PDE1C: variants seen among roughly 807,000 people sequenced by gnomAD.
PDE1C encodes the protein dual specificity calcium/calmodulin-dependent 3',5'-cyclic nucleotide phosphodiesterase 1C.
A neutral mutation model predicts 93.1 loss-of-function variants in PDE1C; 62 were observed. The observed-to-expected ratio is 0.67, with a 90% CI of 0.54 to 0.82. The LOEUF is 0.82. Among genes scored for constraint, PDE1C ranks in the 40% least tolerant of loss-of-function variants. The probability of loss-of-function intolerance (pLI) is 0.00; values close to 1 mark genes in which losing one functional copy is unlikely to be tolerated. For synonymous variants in PDE1C, 325 were observed against 310.1 expected (o/e 1.05, Z -0.50); for missense variants, 742 against 884.6 (o/e 0.84, Z 2.04).
chr7:31,959,236 A>T (rs556962747), intron 2 of PDE1C, among the ~76,000 whole-genome samples: 2 of 152,178 alleles, frequency 1.3e-5, no homozygotes, highest in African/African-American at 4.8e-5. Context: ...TTTGAGACAC[A>T]GTCTCACTCT....
At chr7:32,209,148 A>C (rs28739377) in intron 2 of PDE1C, among the ~76,000 whole-genome samples, 8,709 of 152,272 alleles carry the variant, frequency 0.057, 874 homozygotes, top group African/African-American at 0.2. Context: ...TTAAAATACA[A>C]ATTCTGACTC....
At chr7:32,286,640 G>A (rs566037798) in intron 1 of PDE1C, among the ~76,000 whole-genome samples, 1 of 152,262 alleles carries the variant, frequency 6.6e-6, no homozygotes, top group East Asian at 1.9e-4. Context: ...ACAAAAGAGA[G>A]CCTAGGCACT....
chr7:32,322,358 T>C (rs1783311161), intron 1 of PDE1C, among the ~76,000 whole-genome samples: 1 of 152,034 alleles, frequency 6.6e-6, no homozygotes, highest in South Asian at 2.1e-4. Context: ...AACCAGCACT[T>C]TGGGAGGCCG....
intron 1 of PDE1C, among the ~76,000 whole-genome samples, chr7:32,288,006 C>G (rs950831624): frequency 5.9e-5 from 9 of 152,102 alleles, no homozygotes; most frequent in African/African-American, 1.7e-4. Flanking sequence ...GGTTCGAGAC[C>G]AGCCTGGCTA....
intron 2 of PDE1C, among the ~76,000 whole-genome samples, chr7:31,914,841 G>A (rs2128946108): frequency 6.6e-6 from 1 of 152,298 alleles, no homozygotes; most frequent in South Asian, 2.1e-4. Context: ...GTTTAATTAT[G>A]AAGGGCATCA....
chr7:32,361,144 T>G (rs1784130025), intron 1 of PDE1C, among the ~76,000 whole-genome samples: 1 of 152,134 alleles, frequency 6.6e-6, no homozygotes. Flanking sequence ...CTCATAGCTT[T>G]GTACAGTTGG....
intron 2 of PDE1C, among the ~76,000 whole-genome samples, chr7:32,023,753 T>C (rs1004324289): frequency 1.3e-5 from 2 of 151,986 alleles, no homozygotes; most frequent in Non-Finnish European, 2.9e-5. Context: ...TGTCAAGGCT[T>C]AGGGATGGAG....
chr7:31,948,192 T>C (rs1417919942), intron 2 of PDE1C, among the ~76,000 whole-genome samples: 1 of 152,186 alleles, frequency 6.6e-6, no homozygotes, highest in Non-Finnish European at 1.5e-5. Flanking sequence ...ATTATAAAAA[T>C]GCATTCCAAT....
chr7:32,323,953 C>T (rs1471044960), intron 1 of PDE1C, among the ~76,000 whole-genome samples: 1 of 152,156 alleles, frequency 6.6e-6, no homozygotes, highest in South Asian at 2.1e-4. Flanking sequence ...AGGCTGTGAG[C>T]TTCCTTCAAG....
chr7:31,714,429 T>G, the PDE1C span, among the ~76,000 whole-genome samples: 1 of 152,208 alleles, frequency 6.6e-6, no homozygotes, highest in Non-Finnish European at 1.5e-5. Context: ...TCCCACATTT[T>G]CCTGTCTTCT....
chr7:31,853,903 T>C (rs1793671624), intron 7 of PDE1C, among the ~76,000 whole-genome samples: 1 of 150,716 alleles, frequency 6.6e-6, no homozygotes, highest in Non-Finnish European at 1.5e-5. Context: ...TTTTTGTATT[T>C]TTAGTAGAGA....
chr7:31,812,837 G>T (rs1787718334), intron 15 of PDE1C, among the ~76,000 whole-genome samples: 1 of 152,048 alleles, frequency 6.6e-6, no homozygotes, highest in Non-Finnish European at 1.5e-5. Context: ...TCTCCCTGAA[G>T]GCACCAAACC....
intron 1 of PDE1C, among the ~76,000 whole-genome samples, chr7:32,399,581 CTTTT>C (rs34748013): frequency 1.7e-5 from 2 of 117,564 alleles, no homozygotes; most frequent in African/African-American, 3.3e-5. Context: ...CTTCATTTAA[CTTTT>C]TTTTTTTTTT....
intron 2 of PDE1C, among the ~76,000 whole-genome samples, chr7:31,898,275 A>G (rs1165798444): frequency 6.6e-6 from 1 of 152,164 alleles, no homozygotes; most frequent in Non-Finnish European, 1.5e-5. Context: ...ACCTATTAGA[A>G]AATAAAATCA....
chr7:31,826,581 G>T (rs1789692720), intron 12 of PDE1C, among the ~76,000 whole-genome samples: 1 of 152,052 alleles, frequency 6.6e-6, no homozygotes, highest in Admixed American at 6.5e-5. Context: ...ATGGGATCAT[G>T]GTCCAACCAC....
chr7:31,774,175 A>T (rs1795681608), intron 17 of PDE1C, among the ~76,000 whole-genome samples: 1 of 152,196 alleles, frequency 6.6e-6, no homozygotes, highest in Admixed American at 6.5e-5. Context: ...ATTTTCACAC[A>T]CCATTGACTG....
intron 1 of PDE1C, among the ~76,000 whole-genome samples, chr7:32,293,733 T>C (rs987772834): frequency 9.9e-5 from 15 of 152,126 alleles, no homozygotes; most frequent in African/African-American, 3.1e-4. Context: ...GACTCTGAGA[T>C]ACGACTGAGG....
chr7:31,737,969 T>C, the PDE1C span, among the ~76,000 whole-genome samples: 2 of 152,102 alleles, frequency 1.3e-5, no homozygotes, highest in Admixed American at 6.5e-5. Context: ...AAAACCCTAG[T>C]AGATGCCCAT....
intron 17 of PDE1C, among the ~76,000 whole-genome samples, chr7:31,769,432 T>C (rs1427268459): frequency 6.6e-6 from 1 of 152,226 alleles, no homozygotes; most frequent in Non-Finnish European, 1.5e-5. Flanking sequence ...GTTATGGCAC[T>C]GGAGATGTAC....
Sources: gnomAD v4.1 joint callset for allele counts (sites outside exome capture counted in the v4.1 genomes callset) on GRCh38, gnomAD v4.1.1 for gene constraint, MANE v1.5 for transcripts, NCBI Gene and HGNC (gene_info 2026-07-23, HGNC 2026-07-21) for gene names.